The following THSD7B variants were observed in gnomAD, a reference collection of about 807,000 sequenced individuals.
THSD7B encodes the protein thrombospondin type-1 domain-containing protein 7B.
A neutral mutation model predicts 213.6 loss-of-function variants in THSD7B; 138 were observed. The observed-to-expected ratio is 0.65, with a 90% CI of 0.56 to 0.74. THSD7B has a LOEUF of 0.74. THSD7B is among the 30% of genes least tolerant of loss of function. The pLI, the probability that THSD7B is intolerant of heterozygous loss-of-function variation, is 0.00. For missense variants in THSD7B, 1,931 were observed against 1,991.5 expected, an observed-to-expected ratio of 0.97 and a Z score of 0.58; for synonymous variants, 742 against 687.0, an observed-to-expected ratio of 1.08 and a Z score of -1.25.
intron 14 of THSD7B, among the ~76,000 whole-genome samples, chr2:137,441,473 CCTGT>C (rs1422644936): frequency 2.6e-5 from 4 of 152,082 alleles, no homozygotes; most frequent in Admixed American, 1.3e-4. Flanking sequence ...CTTCCACATG[CCTGT>C]CTATTTATCA....
chr2:137,332,804 T>C (rs919834270), intron 12 of THSD7B, among the ~76,000 whole-genome samples: 1 of 152,208 alleles, frequency 6.6e-6, no homozygotes, highest in Non-Finnish European at 1.5e-5. Flanking sequence ...CTCAGCTCTG[T>C]CATTCTCCTG....
At chr2:137,454,139 G>A (rs1436280276) in intron 15 of THSD7B, among the ~76,000 whole-genome samples, 3 of 152,146 alleles carry the variant, frequency 2.0e-5, no homozygotes, top group Admixed American at 2.0e-4. Context: ...CAATGGGATT[G>A]CTGGATCATA....
chr2:137,333,141 A>T (rs1030219518), intron 12 of THSD7B, among the ~76,000 whole-genome samples: 6 of 152,144 alleles, frequency 3.9e-5, no homozygotes, highest in African/African-American at 1.4e-4. Flanking sequence ...GGAGAGGTAG[A>T]TTGATGGATG....
chr2:136,925,004 T>C (rs943711621), intron 2 of THSD7B, among the ~76,000 whole-genome samples: 1 of 152,234 alleles, frequency 6.6e-6, no homozygotes, highest in South Asian at 2.1e-4. Flanking sequence ...AACTGAATTT[T>C]GCATGTTGAT....
chr2:137,557,299 A>T (rs1680995569), intron 15 of THSD7B, among the ~76,000 whole-genome samples: 2 of 152,104 alleles, frequency 1.3e-5, no homozygotes, highest in Admixed American at 6.6e-5. Flanking sequence ...AAAGTGAAGC[A>T]CTCCTCAGCA....
intron 12 of THSD7B, among the ~76,000 whole-genome samples, chr2:137,300,469 G>A (rs1683572854): frequency 6.6e-6 from 1 of 152,028 alleles, no homozygotes; most frequent in South Asian, 2.1e-4. Context: ...TGATTGTAGG[G>A]TATGTTTGTG....
intron 15 of THSD7B, among the ~76,000 whole-genome samples, chr2:137,486,837 A>G (rs533326951): frequency 6.6e-6 from 1 of 152,120 alleles, no homozygotes; most frequent in Non-Finnish European, 1.5e-5. Context: ...GGATTAAGAA[A>G]CTCACTCAAA....
intron 15 of THSD7B, among the ~76,000 whole-genome samples, chr2:137,539,145 T>A (rs567487329): frequency 1.3e-4 from 20 of 151,872 alleles, no homozygotes; most frequent in African/African-American, 4.6e-4. Flanking sequence ...ATATTATTGG[T>A]CATATAATAA....
chr2:137,337,766 C>G (rs939302008), intron 12 of THSD7B, among the ~76,000 whole-genome samples: 1 of 151,864 alleles, frequency 6.6e-6, no homozygotes, highest in Non-Finnish European at 1.5e-5. Context: ...CTCTTCTTTC[C>G]TATGTATTTA....
At chr2:137,340,232 T>C (rs1033308484) in intron 12 of THSD7B, among the ~76,000 whole-genome samples, 19 of 151,850 alleles carry the variant, frequency 1.3e-4, no homozygotes, top group African/African-American at 4.3e-4. Flanking sequence ...AATTCAGACT[T>C]CTCTTAAAAA....
intron 12 of THSD7B, among the ~76,000 whole-genome samples, chr2:137,388,187 T>C (rs1685938570): frequency 6.6e-6 from 1 of 151,990 alleles, no homozygotes; most frequent in African/African-American, 2.4e-5. Context: ...GGCTTTTTCA[T>C]AATAGTACAT....
chr2:136,827,707 A>T (rs905192424), intron 1 of THSD7B, among the ~76,000 whole-genome samples: 1 of 152,258 alleles, frequency 6.6e-6, no homozygotes, highest in Middle Eastern at 3.4e-3. Flanking sequence ...GTTAATGCTT[A>T]CAAAGATGTA....
chr2:137,269,336 C>T (rs981085196), intron 10 of THSD7B, among the ~76,000 whole-genome samples: 3 of 152,196 alleles, frequency 2.0e-5, no homozygotes, highest in Non-Finnish European at 4.4e-5. Flanking sequence ...TACCTGCAGT[C>T]ACACCATAAA....
chr2:137,205,592 G>A (rs1196638372), intron 7 of THSD7B, among the ~76,000 whole-genome samples: 2 of 151,984 alleles, frequency 1.3e-5, no homozygotes, highest in African/African-American at 4.8e-5. Flanking sequence ...AAGTAGATGT[G>A]AGGCCTCTGC....
At chr2:137,603,967 C>A (rs1167936302) in intron 17 of THSD7B, among the ~76,000 whole-genome samples, 1 of 151,956 alleles carries the variant, frequency 6.6e-6, no homozygotes, top group Non-Finnish European at 1.5e-5. Flanking sequence ...AAAAATTATC[C>A]CGGCTTGGTG....
chr2:136,900,983 T>A (rs1437066427), intron 2 of THSD7B, among the ~76,000 whole-genome samples: 1 of 152,132 alleles, frequency 6.6e-6, no homozygotes, highest in Non-Finnish European at 1.5e-5. Context: ...AAGGTATGAG[T>A]AGAAGATTAG....
chr2:137,202,719 A>T (rs191710446), intron 7 of THSD7B, among the ~76,000 whole-genome samples: 9 of 152,316 alleles, frequency 5.9e-5, no homozygotes, highest in Middle Eastern at 3.4e-3. Flanking sequence ...GTTGACACAG[A>T]TACACACCAA....
intron 2 of THSD7B, among the ~76,000 whole-genome samples, chr2:136,975,039 G>T (rs1317549487): frequency 8.1e-6 from 1 of 123,654 alleles, no homozygotes; most frequent in African/African-American, 3.2e-5. Context: ...ACTTTTTAAT[G>T]GTTTGTTTTT....
chr2:137,213,708 T>G (rs1681172919), intron 7 of THSD7B, among the ~76,000 whole-genome samples: 2 of 152,120 alleles, frequency 1.3e-5, no homozygotes, highest in South Asian at 2.1e-4. Flanking sequence ...ATAAACCTGT[T>G]TTCAAATCTT....
Sources: gnomAD v4.1 joint callset for allele counts (sites outside exome capture counted in the v4.1 genomes callset) on GRCh38, gnomAD v4.1.1 for gene constraint, MANE v1.5 for transcripts, NCBI Gene and HGNC (gene_info 2026-07-23, HGNC 2026-07-21) for gene names.